PPEF1: variants seen among roughly 807,000 people sequenced by gnomAD.
PPEF1 encodes the protein protein phosphatase with EF-hand domain 1, also known as serine/threonine-protein phosphatase with EF-hands 1.
Under a neutral mutation model 53.3 loss-of-function variants are expected in PPEF1, and 12 were observed. The observed-to-expected ratio is 0.23, with a 90% CI of 0.14 to 0.36. The LOEUF is 0.36. Ranked by LOEUF, PPEF1 falls within the 10% of genes least tolerant of loss-of-function variation. The pLI is 1.00. For missense variants in PPEF1, 334 were observed against 490.4 expected (o/e 0.68, Z 3.01); for synonymous variants, 165 against 176.7 (o/e 0.93, Z 0.52).
Position 18,687,073 on chromosome X carries a change from G to A in PPEF1, c.-426+842G>A, listed in dbSNP as rs149526694. On this transcript the variant is annotated intron_variant, in intron 3 of 21. Transcript: ENST00000361511. ...TGTGTCCTGGTTCCAGGCAGAATAG[G>A]GGGAAGGACAAAAGAGAAGAGGCTT... Among the ~76,000 whole-genome samples the A allele has an allele frequency of 2.3e-4, 26 of 111,539 alleles. No individual in the cohort carries two copies. In the East Asian group the frequency reaches 6.7e-3, roughly 29 times the overall value.
chrX:18,737,206 T>C lies in PPEF1; in HGVS notation c.235+3398T>C, dbSNP rs182335115. Reference sequence around the variant, plus strand: ...TTTGCTCTTGCTTCTCTAGTTCTTTTAATTGTGATGTTAGGGTGTCAATTT... The same window carrying C: ...TTTGCTCTTGCTTCTCTAGTTCTTTCAATTGTGATGTTAGGGTGTCAATTT... On this transcript the variant is annotated intron_variant, in intron 3 of 15. Coordinates refer to ENST00000470157, the MANE Select transcript of PPEF1 (RefSeq NM_001377996.1). Among the ~76,000 whole-genome samples, 7 of 112,179 alleles carry C rather than the reference T, an allele frequency of 6.2e-5. No individual in the cohort carries two copies. In the East Asian group the frequency reaches 2.0e-3, roughly 31 times the overall value.
At chrX:18,703,363 G>C (rs1323487200), upstream of PPEF1, among the ~76,000 whole-genome samples, 4 of 111,821 alleles carry the variant, frequency 3.6e-5, no homozygotes, top group African/African-American at 1.3e-4. Flanking sequence ...AAAAATTCTA[G>C]AACATCATGT....
At chrX:18,820,681 G>A (rs1366067126) in intron 13 of PPEF1, among the ~76,000 whole-genome samples, 1 of 110,073 alleles carries the variant, frequency 9.1e-6, no homozygotes, top group African/African-American at 3.3e-5. Context: ...CACCGCGCCT[G>A]GCCAGCAAAC....
chrX:18,746,527 A>G (rs1483544994), intron 3 of PPEF1, among the ~76,000 whole-genome samples: 7 of 111,310 alleles, frequency 6.3e-5, no homozygotes, highest in Non-Finnish European at 1.3e-4. Flanking sequence ...TCTTTTTTTT[A>G]AAGAATGAAA....
At chrX:18,687,693 T>C (rs1212692532) in intron 3 of PPEF1, among the ~76,000 whole-genome samples, 2 of 102,684 alleles carry the variant, frequency 1.9e-5, no homozygotes, top group Non-Finnish European at 4.0e-5. Flanking sequence ...TTCTTTTTTT[T>C]TTTTTTTTTT....
At position 18,818,025 on chromosome X, in the gene PPEF1, T is replaced by C; in HGVS notation, c.1395-14T>C. 9.2e-7 allele frequency: 1 copy of C among 1,091,831 alleles called. No homozygotes were observed. Among genetic ancestry groups the C allele is most frequent in the South Asian group, 2.1e-5 (1 of 46,864 alleles). The allele number at this position is 1,091,831 out of a possible 1,213,427, so 90.0% of individuals were successfully genotyped here. On this transcript the variant is annotated splice_polypyrimidine_tract_variant and intron_variant, in intron 12 of 15. Transcript: ENST00000470157. Reference sequence around the variant, plus strand: ...ATTTATGTTACTTTTACCTAATTATTGTTTTCTTTGCAGAGTGGATACTAT... The same window carrying C: ...ATTTATGTTACTTTTACCTAATTATCGTTTTCTTTGCAGAGTGGATACTAT...
upstream of PPEF1, among the ~76,000 whole-genome samples, chrX:18,680,830 T>C (rs1453284660): frequency 2.0e-5 from 2 of 99,464 alleles, no homozygotes; most frequent in Non-Finnish European, 4.0e-5. Context: ...TGTGTTCTCA[T>C]TGTTCAATTC....
At chrX:18,690,825 A>C (rs1929332630) in intron 3 of PPEF1, 2 of 112,715 alleles carry the variant, frequency 1.8e-5, no homozygotes, top group South Asian at 7.3e-4. Flanking sequence ...CCTCTCATCC[A>C]GGTCATGTCG....
At chrX:18,675,098 G>A (rs1040622403), upstream of PPEF1, among the ~76,000 whole-genome samples, 1 of 112,959 alleles carries the variant, frequency 8.9e-6, no homozygotes, top group African/African-American at 3.2e-5. Context: ...AGTTTGCGGC[G>A]GCTTCGAGTC....
At chrX:18,754,181 C>CCA (rs1231718280) in intron 4 of PPEF1, among the ~76,000 whole-genome samples, 1 of 111,898 alleles carries the variant, frequency 8.9e-6, no homozygotes, top group Non-Finnish European at 1.9e-5. Flanking sequence ...TTGTGCTGAA[C>CCA]CATTGTTCAG....
chrX:18,740,324 T>G (rs2045118182), intron 3 of PPEF1, among the ~76,000 whole-genome samples: 1 of 112,090 alleles, frequency 8.9e-6, no homozygotes. Context: ...TCAAAATATT[T>G]TGAGTATTTC....
chrX:18,745,231 C>T (rs1225779497), intron 3 of PPEF1, among the ~76,000 whole-genome samples: 4 of 93,679 alleles, frequency 4.3e-5, no homozygotes, highest in African/African-American at 1.6e-4. Flanking sequence ...TATTTATTTT[C>T]GAGACAGGGT....
intron 4 of PPEF1, among the ~76,000 whole-genome samples, chrX:18,751,097 A>C (rs1334359171): frequency 9.0e-6 from 1 of 111,516 alleles, no homozygotes; most frequent in Non-Finnish European, 1.9e-5. Context: ...ATGATTTGCA[A>C]ATATTTTCTC....
At chrX:18,736,635 T>G (rs1354734396) in intron 3 of PPEF1, among the ~76,000 whole-genome samples, 1 of 112,077 alleles carries the variant, frequency 8.9e-6, no homozygotes, top group Non-Finnish European at 1.9e-5. Context: ...AGGATGGTGC[T>G]GGCCTCATAA....
intron 4 of PPEF1, among the ~76,000 whole-genome samples, chrX:18,750,575 A>C (rs2045422684): frequency 9.0e-6 from 1 of 111,576 alleles, no homozygotes; most frequent in Non-Finnish European, 1.9e-5. Flanking sequence ...GATCATTTCC[A>C]CCTTTTGGCT....
chrX:18,685,699 A>G (rs900662315), intron 2 of PPEF1, among the ~76,000 whole-genome samples: 12 of 108,608 alleles, frequency 1.1e-4, no homozygotes, highest in East Asian at 5.7e-4. Context: ...AAAAAAAAAA[A>G]AAAAGAAAAA....
At chrX:18,705,324 G>A (rs2044172872), upstream of PPEF1, among the ~76,000 whole-genome samples, 1 of 111,848 alleles carries the variant, frequency 8.9e-6, no homozygotes, top group Admixed American at 9.5e-5. Flanking sequence ...GTTTGGAGTG[G>A]GATGCCACAG....
chrX:18,747,774 C>T (rs1221593592), intron 3 of PPEF1, among the ~76,000 whole-genome samples: 1 of 112,403 alleles, frequency 8.9e-6, no homozygotes, highest in African/African-American at 3.2e-5. Flanking sequence ...TTTTACCATG[C>T]GTTCCATATT....
At chrX:18,723,969 G>T (rs2044647953) in intron 1 of PPEF1, among the ~76,000 whole-genome samples, 1 of 110,766 alleles carries the variant, frequency 9.0e-6, no homozygotes, top group East Asian at 2.8e-4. Flanking sequence ...TGTATTTTTA[G>T]TAGAGACAGG....
Sources: gnomAD v4.1 joint callset for allele counts (sites outside exome capture counted in the v4.1 genomes callset) on GRCh38, gnomAD v4.1.1 for gene constraint, MANE v1.5 for transcripts, NCBI Gene and HGNC (gene_info 2026-07-23, HGNC 2026-07-21) for gene names.